The following KAZN variants were observed in gnomAD, a reference collection of about 807,000 sequenced individuals.
The protein encoded by KAZN is kazrin, periplakin interacting protein.
A neutral mutation model predicts 87.4 loss-of-function variants in KAZN; 40 were observed. The observed-to-expected ratio is 0.46, with a 90% CI of 0.36 to 0.60. The LOEUF is 0.60. Ranked by LOEUF, KAZN falls within the 20% of genes least tolerant of loss-of-function variation. KAZN has a pLI of 0.00. For synonymous variants in KAZN, 466 were observed against 458.3 expected (o/e 1.02, Z -0.22); for missense variants, 898 against 1,073.9 (o/e 0.84, Z 2.29).
At chr1:14,421,827 C>T (rs963033359) in intron 2 of KAZN, among the ~76,000 whole-genome samples, 4 of 152,064 alleles carry the variant, frequency 2.6e-5, no homozygotes, top group Non-Finnish European at 5.9e-5. Flanking sequence ...GCCTTAGTCC[C>T]CTCCCCTCCC....
chr1:14,439,874 C>T (rs1343173233), intron 2 of KAZN, among the ~76,000 whole-genome samples: 1 of 152,188 alleles, frequency 6.6e-6, no homozygotes, highest in African/African-American at 2.4e-5. Context: ...ACTCTGTTGT[C>T]TGCTCCTTCT....
chr1:14,559,211 G>C (rs1674102285), intron 2 of KAZN, among the ~76,000 whole-genome samples: 1 of 152,218 alleles, frequency 6.6e-6, no homozygotes, highest in Non-Finnish European at 1.5e-5. Flanking sequence ...TGCATGTGTA[G>C]AGTTGGCTCT....
At chr1:14,399,984 A>ATTTTT (rs1424111867) in intron 2 of KAZN, among the ~76,000 whole-genome samples, 3 of 152,012 alleles carry the variant, frequency 2.0e-5, no homozygotes, top group Non-Finnish European at 4.4e-5. Flanking sequence ...GTGAATTAAA[A>ATTTTT]TAAAAAAAGA....
intron 1 of KAZN, among the ~76,000 whole-genome samples, chr1:14,699,605 G>A (rs1395988253): frequency 6.6e-6 from 1 of 152,192 alleles, no homozygotes; most frequent in Admixed American, 6.5e-5. Context: ...CACTGCAAGA[G>A]AGAAAGAGAG....
intron 1 of KAZN, among the ~76,000 whole-genome samples, chr1:14,053,960 A>G (rs1196776850): frequency 2.6e-5 from 4 of 152,238 alleles, no homozygotes; most frequent in Non-Finnish European, 5.9e-5. Flanking sequence ...GGAAGAGGAA[A>G]TAGATTGACT....
chr1:15,110,469 ATGTT>A (rs1289770509), intron 13 of KAZN, among the ~76,000 whole-genome samples: 37 of 125,066 alleles, frequency 3.0e-4, no homozygotes, highest in African/African-American at 7.5e-4. Context: ...GTGTGTTTGT[ATGTT>A]TGTGTATTTG....
rs116215805 is a variant in KAZN at position 14,294,048 on chromosome 1, G to A, written c.249+113456G>A. Among the ~76,000 whole-genome samples, 979 of 152,272 alleles carry A rather than the reference G, an allele frequency of 6.4e-3. 8 individuals carry two copies. The highest frequency in any genetic ancestry group is 0.022 in the African/African-American group (926 of 41,550). Reference sequence around the variant, plus strand: ...CTCTTCACCATAAACTGATAAGGGAGTTTCTTACCAGTTTTATCCCCATTT... The same window carrying A: ...CTCTTCACCATAAACTGATAAGGGAATTTCTTACCAGTTTTATCCCCATTT... On this transcript the variant is annotated intron_variant, in intron 2 of 16. Coordinates refer to the KAZN transcript ENST00000636203.
Position 13,983,631 on chromosome 1 carries a change from AG to A in KAZN, c.91+89878del, listed in dbSNP as rs1207405918. Among the ~76,000 whole-genome samples the A allele has an allele frequency of 5.9e-5, 9 of 152,316 alleles. No individual in the cohort carries two copies. The East Asian group carries it at 1.7e-3, about 29-fold the overall frequency. On this transcript the variant is annotated intron_variant, in intron 1 of 16. Coordinates refer to the KAZN transcript ENST00000636203. Reference sequence around the variant, plus strand: ...CTCCCACAGCGAAGCGATGGGCTGAAGGGCTCCTCAAGTGCCGCCAAAGTGG... The same window carrying A: ...CTCCCACAGCGAAGCGATGGGCTGAAGGCTCCTCAAGTGCCGCCAAAGTGG...
rs1317797158 is a variant in KAZN, at chr1:14,492,881, C to T, written c.250-106102C>T. Among the ~76,000 whole-genome samples, 11 of 151,632 alleles carry T rather than the reference C, an allele frequency of 7.3e-5. 1 individual carries two copies. The highest frequency in any genetic ancestry group is 3.9e-4 in the Admixed American group (6 of 15,228). Reference sequence around the variant, plus strand: ...TGTGTGAGCACGCACAGCACACACACATGCACACCACTACCTCTGCCATCC... The same window carrying T: ...TGTGTGAGCACGCACAGCACACACATATGCACACCACTACCTCTGCCATCC... On this transcript the variant is annotated intron_variant, in intron 2 of 16. Transcript: ENST00000636203.
chr1:14,426,075 C>G (rs1665710976), intron 2 of KAZN, among the ~76,000 whole-genome samples: 2 of 152,218 alleles, frequency 1.3e-5, no homozygotes, highest in South Asian at 4.1e-4. Flanking sequence ...GCCCCCCGGC[C>G]TCCTCTCCTT....
intron 8 of KAZN, among the ~76,000 whole-genome samples, chr1:15,068,688 C>G (rs1444555952): frequency 6.6e-6 from 1 of 151,942 alleles, no homozygotes; most frequent in Non-Finnish European, 1.5e-5. Flanking sequence ...CCCCCAGATA[C>G]AAAACTCAGG....
chr1:14,252,722 A>C (rs932633854), intron 2 of KAZN, among the ~76,000 whole-genome samples: 2 of 152,212 alleles, frequency 1.3e-5, no homozygotes. Context: ...AATGTTTGCT[A>C]TATTATTAGT....
chr1:14,268,190 G>C (rs1015822414), intron 2 of KAZN, among the ~76,000 whole-genome samples: 1 of 152,158 alleles, frequency 6.6e-6, no homozygotes, highest in African/African-American at 2.4e-5. Context: ...ATCACAGAAG[G>C]TTGCAAGGCT....
rs1239429203 is a variant in KAZN at position 14,649,656 on chromosome 1, G to A, written c.226+50433G>A. Among the ~76,000 whole-genome samples the A allele has an allele frequency of 9.2e-5, 14 of 152,242 alleles. No individual in the cohort carries two copies. In the South Asian group the frequency reaches 2.1e-3, roughly 23 times the overall value. ...TTTGAAACAGACCAAATGTCAAGGC[G>A]ACCAACAAAGCCTGTCAATTAGGAA... On this transcript the variant is annotated intron_variant, in intron 1 of 14. Transcript: ENST00000376030.
chr1:14,504,969 A>T (rs922359620), intron 2 of KAZN, among the ~76,000 whole-genome samples: 7 of 152,344 alleles, frequency 4.6e-5, no homozygotes, highest in Non-Finnish European at 1.0e-4. Flanking sequence ...TGGAAACCCA[A>T]GGGCAGTGGA....
intron 1 of KAZN, among the ~76,000 whole-genome samples, chr1:14,879,108 T>C (rs569683197): frequency 2.6e-4 from 39 of 152,314 alleles, no homozygotes; most frequent in South Asian, 4.1e-4. Context: ...TGGGATTGCA[T>C]TGGGCATTTG....
intron 2 of KAZN, among the ~76,000 whole-genome samples, chr1:14,361,093 C>T (rs1053703345): frequency 2.0e-5 from 3 of 152,194 alleles, no homozygotes; most frequent in Non-Finnish European, 2.9e-5. Context: ...TCTATAGGCC[C>T]GACTGGGGCT....
At chr1:15,016,075 TCTGG>T (rs1670064925) in intron 2 of KAZN, among the ~76,000 whole-genome samples, 4 of 151,704 alleles carry the variant, frequency 2.6e-5, no homozygotes, top group East Asian at 3.9e-4. Context: ...ATGAGATCAT[TCTGG>T]GACAAGTGTA....
In KAZN at chr1:14,735,467, G is replaced by A. The variant is rs944034025; in HGVS notation, c.226+136244G>A. ...CTGCCCTGGTTTCCAGCCACCTTGG[G>A]TGTTTAGGCTGGACCCCGAAACCAC... On this transcript the variant is annotated intron_variant, in intron 1 of 14. Coordinates refer to ENST00000376030, the MANE Select transcript of KAZN (RefSeq NM_201628.3). The surrounding 1 kb of genome is among the most constrained non-coding windows in gnomAD (Gnocchi z 4.3). Among the ~76,000 whole-genome samples the A allele has an allele frequency of 6.6e-6, 1 of 152,150 alleles. No individual in the cohort carries two copies. Among genetic ancestry groups the A allele is most frequent in the African/African-American group, 2.4e-5 (1 of 41,420 alleles).
Sources: gnomAD v4.1 joint callset for allele counts (sites outside exome capture counted in the v4.1 genomes callset) on GRCh38, gnomAD v4.1.1 for gene constraint, Gnocchi (gnomAD v3.1) non-coding constraint, MANE v1.5 for transcripts, NCBI Gene and HGNC (gene_info 2026-07-23, HGNC 2026-07-21) for gene names.